YIF1B: variants seen among roughly 807,000 people sequenced by gnomAD.
YIF1B encodes Yip1 interacting factor homolog B, membrane trafficking protein.
Under a neutral mutation model 34.6 loss-of-function variants are expected in YIF1B, and 24 were observed. That is an observed-to-expected ratio of 0.69 (90% CI 0.50 to 0.98). YIF1B has a LOEUF of 0.98. Among genes scored for constraint, YIF1B ranks in the 50% least tolerant of loss-of-function variants. YIF1B has a pLI of 0.00. For missense variants in YIF1B, 368 were observed against 429.4 expected, an observed-to-expected ratio of 0.86 and a Z score of 1.26; for synonymous variants, 186 against 184.8, an observed-to-expected ratio of 1.01 and a Z score of -0.05.
Position 38,312,058 on chromosome 19 carries a change from G to A in YIF1B, c.59-2415C>T, listed in dbSNP as rs1052955241. Among the ~76,000 whole-genome samples the A allele has an allele frequency of 3.3e-5, 5 of 151,758 alleles. No individual in the cohort carries two copies. The East Asian group carries it at 5.8e-4, about 18-fold the overall frequency. On this transcript the variant is annotated intron_variant, in intron 1 of 7. Transcript: ENST00000339413. ...GTGGAGGTTGCAGTGAGCCAAGATC[G>A]CGCCACTGCACTCCAGCCTGGGCTA...
At chr19:38,311,757 C>T (rs939437998) in intron 1 of YIF1B, among the ~76,000 whole-genome samples, 3 of 152,028 alleles carry the variant, frequency 2.0e-5, no homozygotes, top group Non-Finnish European at 2.9e-5. Context: ...AGTTTCAGAG[C>T]TAGGAGGGAC....
chr19:38,316,475 C>T (rs769500731), upstream of YIF1B, among the ~76,000 whole-genome samples: 1 of 151,978 alleles, frequency 6.6e-6, no homozygotes, highest in Non-Finnish European at 1.5e-5. Flanking sequence ...AGCGAGATCT[C>T]CATCGCTACA....
chr19:38,311,603 G>A (rs976448046), intron 1 of YIF1B, among the ~76,000 whole-genome samples: 1 of 151,934 alleles, frequency 6.6e-6, no homozygotes, highest in Non-Finnish European at 1.5e-5. Context: ...GGTTTCAAAA[G>A]TTTTTAAAAG....
In YIF1B at chr19:38,304,316, AG is replaced by A. The variant is rs753650253; in HGVS notation, c.*1035del. The A allele has an allele frequency of 1.2e-6, 2 of 1,613,224 alleles. No individual in the cohort carries two copies. The highest frequency in any genetic ancestry group is 1.7e-6 in the Non-Finnish European group (2 of 1,179,942). On this transcript the variant is annotated 3_prime_UTR_variant, in exon 8 of 8. Transcript: ENST00000339413. ...CCTGGGGAGTGTGGACTGGAGGTGC[AG>A]GGGGCCGGACTCAAGCCCAGAAGCT...
upstream of YIF1B, among the ~76,000 whole-genome samples, chr19:38,317,722 G>A (rs1306407945): frequency 1.3e-5 from 2 of 151,948 alleles, no homozygotes; most frequent in Non-Finnish European, 2.9e-5. Flanking sequence ...GAGATTACAG[G>A]CGTGTGCCAT....
At position 38,309,300 on chromosome 19, in the gene YIF1B, A is replaced by G; in HGVS notation, c.326T>C (p.Leu109Pro). 6.2e-7 allele frequency: 1 copy of G among 1,614,074 alleles called. No homozygotes were observed. Among genetic ancestry groups the G allele is most frequent in the Non-Finnish European group, 8.5e-7 (1 of 1,179,984 alleles). The change falls in exon 3 of 8, where the codon CTC (leucine) becomes CCC (proline). Residue 109 changes from leucine to proline, a missense_variant. Physicochemically the swap from Leu to Pro is moderately conservative, Grantham distance 98 (BLOSUM62 -3). This residue lies in a region of YIF1B where 153 missense variants were observed against 156.7 expected (regional missense o/e 0.98). Transcript: ENST00000339413. ...GGTGTCCACAGCAAAGTAATACTTG[A>G]GCTTGGTGATGGGGATGAAGCGGTC... is the stretch of plus-strand genomic sequence containing the variant. ...NIDRFIPITK[L>P]KYYFAVDTMY...
At position 38,315,811 on chromosome 19, in the gene YIF1B, C is replaced by G. The variant is rs1327865927; in HGVS notation, c.58+49G>C. The G allele has an allele frequency of 2.7e-6, 4 of 1,507,298 alleles. No homozygotes were observed. The East Asian group carries it at 1.1e-4, about 42-fold the overall frequency. The allele number at this position is 1,507,298 out of a possible 1,614,324, so 93.4% of individuals were successfully genotyped here. A position where few individuals can be genotyped will look rare whatever the true frequency, so the allele number is the denominator to read the frequency against. The stretch of plus-strand genomic sequence containing the variant: ...GCAGTGACCTCGCCAACCGACGCGG[C>G]CGCCCCGCCACGCCCCCGCCCGCCC... On this transcript the variant is annotated intron_variant, in intron 1 of 7. Transcript: ENST00000339413.
Position 38,315,735 on chromosome 19 carries a change from C to T in YIF1B, c.58+125G>A. 4 of 1,609,766 alleles carry T rather than the reference C, an allele frequency of 2.5e-6. No individual in the cohort carries two copies. The South Asian group carries it at 3.3e-5, about 13-fold the overall frequency. On this transcript the variant is annotated intron_variant, in intron 1 of 7. Coordinates refer to ENST00000339413, the MANE Select transcript of YIF1B (RefSeq NM_001039672.3). ...CTCCTACCCGAACCTGGCATCCCAG[C>T]GCTGTGCACACCTCAGGGTTCCAGA...
chr19:38,306,537 CAA>C (rs1425604923), intron 7 of YIF1B, among the ~76,000 whole-genome samples: 1 of 151,964 alleles, frequency 6.6e-6, no homozygotes, highest in Non-Finnish European at 1.5e-5. Context: ...AGACTTAAGT[CAA>C]AGTTTATCCA....
chr19:38,320,046 C>T (rs1388849140), upstream of YIF1B: 17 of 1,503,594 alleles, frequency 1.1e-5, no homozygotes, highest in African/African-American at 1.4e-5. Flanking sequence ...AGGGGCCGCA[C>T]GAAGCCAGGC....
In YIF1B at chr19:38,305,454, C is replaced by G. The variant is rs753269287; in HGVS notation, c.843G>C (p.Pro281=). 4 of 1,609,614 alleles carry G rather than the reference C, an allele frequency of 2.5e-6. No homozygotes were observed. Among genetic ancestry groups the G allele is most frequent in the South Asian group, 1.1e-5 (1 of 90,882 alleles). The change falls in exon 8 of 8, where the codon CCG becomes CCC. Residue 281 remains proline (P), a synonymous_variant. Transcript: ENST00000339413. The part of the protein sequence containing the change: ...ILADAAAEGV[P]VRGARNQLRM... ...GCAGCTGGTTCCGGGCCCCACGCAC[C>G]GGGACCCCCTCAGCTGCTGCGTCTG... is the stretch of plus-strand genomic sequence containing the variant.
rs763690079 is a variant in YIF1B at position 38,308,999 on chromosome 19, G to A, written c.461C>T (p.Ala154Val). The A allele has an allele frequency of 8.2e-6, 13 of 1,587,754 alleles. No individual in the cohort carries two copies. The highest frequency in any genetic ancestry group is 1.8e-5 in the Admixed American group (1 of 56,178). Residue 154 changes from alanine to valine, a missense_variant, in exon 4 of 8, where the codon GCC becomes GTC. Physicochemically the swap from Ala to Val is moderately conservative, Grantham distance 64. Around this residue, in one of 3 missense-constraint regions of YIF1B, gnomAD observed 208 missense variants for 247.8 expected, o/e 0.84. Coordinates refer to ENST00000339413, the MANE Select transcript of YIF1B (RefSeq NM_001039672.3). ...TPVAPRFDVN[A>V]PDLYIPAMAF... The stretch of plus-strand genomic sequence containing the variant: ...GAAACCTGGAATGTAGAGGTCCGGG[G>A]CATTGACGTCAAAGCGGGGGGCCAC...
chr19:38,304,577 A>T lies in YIF1B; in HGVS notation c.*775T>A. The T allele has an allele frequency of 6.2e-7, 1 of 1,610,668 alleles. No homozygotes were observed. The highest frequency in any genetic ancestry group is 8.5e-7 in the Non-Finnish European group (1 of 1,178,824). On this transcript the variant is annotated 3_prime_UTR_variant, in exon 8 of 8. Coordinates refer to ENST00000339413, the MANE Select transcript of YIF1B (RefSeq NM_001039672.3). ...GGTCCTGCCTTAGGCCTCCAACTTC[A>T]GGGGGCTGGGTAAGGGGCGCCGCCT...
rs1215501983 is a variant in YIF1B, at chr19:38,304,522, C to A, written c.*830G>T. Reference sequence around the variant, plus strand: ...CGCCTCATCACCGGCTGCGGAGGGGCGGGAAGGCTGGGGTTGCCCCTGACC... The same window carrying A: ...CGCCTCATCACCGGCTGCGGAGGGGAGGGAAGGCTGGGGTTGCCCCTGACC... On this transcript the variant is annotated 3_prime_UTR_variant, in exon 8 of 8. Transcript: ENST00000339413. 6.4e-7 allele frequency: 1 copy of A among 1,567,480 alleles called. No individual in the cohort carries two copies. Among genetic ancestry groups the A allele is most frequent in the Non-Finnish European group, 8.6e-7 (1 of 1,156,398 alleles).
Position 38,304,895 on chromosome 19 carries a change from G to A in YIF1B, c.*457C>T. ...ACGAGAGCATCCCGGGCAAGGCCAA[G>A]AAGCCCAAAGTGAAGAAGAAGGAGA... is the stretch of plus-strand genomic sequence containing the variant. On this transcript the variant is annotated 3_prime_UTR_variant, in exon 8 of 8. Coordinates refer to ENST00000339413, the MANE Select transcript of YIF1B (RefSeq NM_001039672.3). The A allele has an allele frequency of 6.2e-7, 1 of 1,611,784 alleles. No homozygotes were observed. Among genetic ancestry groups the A allele is most frequent in the Non-Finnish European group, 8.5e-7 (1 of 1,179,248 alleles).
intron 5 of YIF1B, among the ~76,000 whole-genome samples, chr19:38,308,297 T>C (rs1969151944): frequency 1.3e-5 from 2 of 151,726 alleles, no homozygotes; most frequent in Non-Finnish European, 2.9e-5. Context: ...GGGGAGTTGA[T>C]GTGACAAGGC....
chr19:38,304,506 A>ACCTT lies in YIF1B; in HGVS notation c.*845_*846insAAGG. 6.4e-7 allele frequency: 1 copy of ACCTT among 1,561,276 alleles called. No homozygotes were observed. ...GGGTCCAAAGGTAAGTCGCCTCATCACCGGCTGCGGAGGGGCGGGAAGGCT... is the reference window on the plus strand; with the variant it reads ...GGGTCCAAAGGTAAGTCGCCTCATCACCTTCCGGCTGCGGAGGGGCGGGAAGGCT... On this transcript the variant is annotated 3_prime_UTR_variant, in exon 8 of 8. Transcript: ENST00000339413.
At chr19:38,321,577 C>T (rs1040674189), upstream of YIF1B, among the ~76,000 whole-genome samples, 10 of 152,242 alleles carry the variant, frequency 6.6e-5, no homozygotes, top group Admixed American at 6.5e-5. Context: ...CTCCCCCAGC[C>T]CCTTCTCAGC....
At chr19:38,315,448 G>A (rs1969506475) in intron 1 of YIF1B, 3 of 1,324,120 alleles carry the variant, frequency 2.3e-6, no homozygotes, top group Non-Finnish European at 2.9e-6. Context: ...CAGGAAAAGG[G>A]GGCCAACAGC....
Sources: allele counts gnomAD v4.1 joint callset (sites outside exome capture counted in the v4.1 genomes callset), GRCh38; gene constraint gnomAD v4.1.1; regional missense constraint gnomAD v4.1.1; transcripts MANE v1.5; gene names NCBI Gene and HGNC (gene_info 2026-07-23, HGNC 2026-07-21).